The following CFAP299 variants were observed in gnomAD, a reference collection of about 807,000 sequenced individuals.
CFAP299 encodes cilia and flagella associated protein 299, also known as cilia- and flagella-associated protein 299.
In CFAP299, 21 loss-of-function variants were observed where a neutral mutation model predicts 27.0. The ratio of observed to expected loss-of-function variants is 0.78; its 90% CI spans 0.55 to 1.12. The LOEUF (loss-of-function observed/expected upper bound fraction) is 1.12, where lower values mean the gene tolerates loss of function less well. Among genes scored for constraint, CFAP299 ranks in the 50% most tolerant of loss-of-function variants. The pLI is 0.00. For synonymous variants in CFAP299, 104 were observed against 98.1 expected, an observed-to-expected ratio of 1.06 and a Z score of -0.36; for missense variants, 310 against 276.6, an observed-to-expected ratio of 1.12 and a Z score of -0.86.
At chr4:80,335,123 AG>A (rs1722071857), upstream of CFAP299, among the ~76,000 whole-genome samples, 1 of 152,228 alleles carries the variant, frequency 6.6e-6, no homozygotes, top group South Asian at 2.1e-4. Flanking sequence ...TTCTTTAAAA[AG>A]GGCAGCTTCA....
At chr4:80,687,887 G>A (rs1720322328) in intron 3 of CFAP299, among the ~76,000 whole-genome samples, 2 of 152,224 alleles carry the variant, frequency 1.3e-5, no homozygotes, top group Non-Finnish European at 2.9e-5. Flanking sequence ...AAGCACAGGG[G>A]GGTCAGGGAG....
At chr4:80,935,129 T>C (rs1736824185) in intron 4 of CFAP299, among the ~76,000 whole-genome samples, 1 of 152,120 alleles carries the variant, frequency 6.6e-6, no homozygotes, top group South Asian at 2.1e-4. Context: ...CCTTGACCTG[T>C]TGGTTGGTTA....
chr4:80,746,864 T>C (rs1356231214), intron 3 of CFAP299, among the ~76,000 whole-genome samples: 3 of 152,064 alleles, frequency 2.0e-5, no homozygotes, highest in Non-Finnish European at 1.5e-5. Flanking sequence ...TCAAAGCTTG[T>C]GTGCACAGAC....
chr4:80,421,300 G>A (rs963555161), intron 2 of CFAP299, among the ~76,000 whole-genome samples: 2 of 152,126 alleles, frequency 1.3e-5, no homozygotes, highest in African/African-American at 4.8e-5. Context: ...CTTTGTTTTA[G>A]TTAGTCCTTC....
rs1416034105 is a variant in CFAP299 at position 80,862,409 on chromosome 4, T to C, written c.334-7584T>C. On this transcript the variant is annotated intron_variant, in intron 3 of 5. Transcript: ENST00000358105. ...ATAAATAAATAAATAAATAAAGCCATTTAAAATATAGATACGTCTTATAAA... is the reference window on the plus strand; with the variant it reads ...ATAAATAAATAAATAAATAAAGCCACTTAAAATATAGATACGTCTTATAAA... Among the ~76,000 whole-genome samples, 6 of 152,068 alleles carry C rather than the reference T, an allele frequency of 3.9e-5. No individual in the cohort carries two copies. The East Asian group carries it at 1.2e-3, about 29-fold the overall frequency.
At chr4:80,864,950 T>G (rs1732636179) in intron 3 of CFAP299, among the ~76,000 whole-genome samples, 1 of 152,186 alleles carries the variant, frequency 6.6e-6, no homozygotes, top group South Asian at 2.1e-4. Flanking sequence ...CTTACCAGTG[T>G]CACACAGTAA....
At chr4:80,581,453 GATATATATATATATATATATAT>G (rs70944794) in intron 2 of CFAP299, among the ~76,000 whole-genome samples, 3 of 103,032 alleles carry the variant, frequency 2.9e-5, no homozygotes, top group African/African-American at 1.9e-4. Flanking sequence ...TATTAAGTGA[GATATATATATATATATATATAT>G]ATATATATAT....
the CFAP299 span, among the ~76,000 whole-genome samples, chr4:80,323,082 A>G: frequency 6.6e-6 from 1 of 152,240 alleles, no homozygotes; most frequent in Non-Finnish European, 1.5e-5. Flanking sequence ...TATGGGGCAG[A>G]ATAGCAATGT....
chr4:80,609,784 T>C (rs1472270295), intron 3 of CFAP299, among the ~76,000 whole-genome samples: 1 of 152,074 alleles, frequency 6.6e-6, no homozygotes, highest in Non-Finnish European at 1.5e-5. Flanking sequence ...TTTGCATGTT[T>C]ATATGCTATA....
At chr4:80,858,821 A>G (rs1032440807) in intron 3 of CFAP299, among the ~76,000 whole-genome samples, 1 of 152,070 alleles carries the variant, frequency 6.6e-6, no homozygotes, top group Non-Finnish European at 1.5e-5. Context: ...GGAGAGCTTT[A>G]CTTCCAACTA....
chr4:80,386,627 C>T (rs548205978), intron 2 of CFAP299: 20 of 1,597,910 alleles, frequency 1.3e-5, no homozygotes, highest in Admixed American at 1.7e-5. Context: ...GCCAGCATAG[C>T]GGAACTTGTA....
At chr4:80,346,454 A>C (rs539528277) in intron 1 of CFAP299, among the ~76,000 whole-genome samples, 9 of 152,160 alleles carry the variant, frequency 5.9e-5, no homozygotes, top group Non-Finnish European at 1.3e-4. Flanking sequence ...TTTTTGTATA[A>C]GGTGTAAGGA....
chr4:80,479,756 A>C (rs1730461708), intron 2 of CFAP299, among the ~76,000 whole-genome samples: 1 of 152,040 alleles, frequency 6.6e-6, no homozygotes, highest in African/African-American at 2.4e-5. Context: ...ATGCAGAGCT[A>C]CATTACTTTT....
At chr4:80,729,691 C>A (rs1367447930) in intron 3 of CFAP299, among the ~76,000 whole-genome samples, 1 of 149,620 alleles carries the variant, frequency 6.7e-6, no homozygotes, top group Non-Finnish European at 1.5e-5. Flanking sequence ...GCTCCACCTT[C>A]CGGGTTCATG....
At position 80,814,795 on chromosome 4, in the gene CFAP299, G is replaced by A. The variant is rs576111335; in HGVS notation, c.334-55198G>A. Among the ~76,000 whole-genome samples the A allele has an allele frequency of 2.0e-3, 299 of 151,874 alleles. 3 individuals are homozygous for A. The highest frequency in any genetic ancestry group is 3.4e-3 in the Middle Eastern group (1 of 292). On this transcript the variant is annotated intron_variant, in intron 3 of 5. Transcript: ENST00000358105. ...GAAAAATAAAAGCACAGTAAAGCCT[G>A]AGGTAACCTCTTATCTCCATAAGGA...
intron 3 of CFAP299, among the ~76,000 whole-genome samples, chr4:80,734,387 T>C (rs2110058348): frequency 1.3e-5 from 2 of 152,314 alleles, no homozygotes; most frequent in East Asian, 3.9e-4. Context: ...GATGGGTATT[T>C]TGCAAATGGG....
chr4:80,604,154 T>G (rs1737512083), intron 3 of CFAP299, among the ~76,000 whole-genome samples: 1 of 152,104 alleles, frequency 6.6e-6, no homozygotes, highest in South Asian at 2.1e-4. Context: ...AAAGAAAACT[T>G]TAAAGCCTTA....
intron 3 of CFAP299, among the ~76,000 whole-genome samples, chr4:80,604,334 TA>T (rs71596777): frequency 0.11 from 17,296 of 151,270 alleles, 1,124 homozygotes; most frequent in South Asian, 0.23. Context: ...TGCCTAATGA[TA>T]AAAAAAAAGT....
At chr4:80,623,393 C>CA (rs1738707534) in intron 3 of CFAP299, among the ~76,000 whole-genome samples, 1 of 151,840 alleles carries the variant, frequency 6.6e-6, no homozygotes, top group South Asian at 2.1e-4. Flanking sequence ...AGAAATGAAA[C>CA]AAAAATAATT....
Sources: gnomAD v4.1 joint callset for allele counts (sites outside exome capture counted in the v4.1 genomes callset) on GRCh38, gnomAD v4.1.1 for gene constraint, MANE v1.5 for transcripts, NCBI Gene and HGNC (gene_info 2026-07-23, HGNC 2026-07-21) for gene names.